Variants in SPTB observed in about 807,000 individuals in gnomAD.
SPTB encodes the protein spectrin beta, erythrocytic.
In SPTB, 45 loss-of-function variants were observed where a neutral mutation model predicts 256.2. The observed-to-expected ratio is 0.18, with a 90% CI of 0.14 to 0.23. The LOEUF (loss-of-function observed/expected upper bound fraction) is 0.23. Among genes scored for constraint, SPTB ranks in the 10% least tolerant of loss-of-function variants. SPTB has a pLI of 1.00. For missense variants in SPTB, 2,715 were observed against 3,040.4 expected (o/e 0.89, Z 2.52); for synonymous variants, 1,231 against 1,243.1 (o/e 0.99, Z 0.21).
rs769006810 is a variant in SPTB, at chr14:64,787,070, C to G, written c.2895G>C (p.Glu965Asp). Residue 965 changes from glutamate (E) to aspartate (D), a missense_variant, in exon 16 of 36, where the codon GAG becomes GAC. Glu to Asp is a conservative substitution (Grantham distance 45). Coordinates refer to ENST00000644917, the MANE Select transcript of SPTB (RefSeq NM_001355436.2). ...TCTTGTCCGTGATCCACTTGCTGGT[C>G]TCCTCGCAATCTACGCAGTAGTTGT... ...RVHNYCVDCE[E>D]TSKWITDKTK... 28 of 1,613,470 alleles carry G rather than the reference C, an allele frequency of 1.7e-5. No homozygotes were observed. In the South Asian group the frequency reaches 3.1e-4, roughly 18 times the overall value.
At chr14:64,761,073 C>T (rs1174773868) in intron 32 of SPTB, among the ~76,000 whole-genome samples, 1 of 152,170 alleles carries the variant, frequency 6.6e-6, no homozygotes, top group Non-Finnish European at 1.5e-5. Flanking sequence ...CCAAACAAGA[C>T]CCCCTGCTAG....
chr14:64,792,006 C>A lies in SPTB; in HGVS notation c.2667-150G>T. 9.4e-7 allele frequency: 1 copy of A among 1,065,240 alleles called. No individual in the cohort carries two copies. The highest frequency in any genetic ancestry group is 1.4e-6 in the Non-Finnish European group (1 of 728,918). 66.0% of individuals were successfully genotyped at this position (1,065,240 alleles called of 1,614,324 possible). A position where few individuals can be genotyped will look rare whatever the true frequency, so the allele number is the denominator to read the frequency against. On this transcript the variant is annotated intron_variant, in intron 14 of 35. Transcript: ENST00000644917. This position sits in a 1 kb window ranked among gnomAD's most constrained non-coding sequence, Gnocchi z 4.2. The stretch of plus-strand genomic sequence containing the variant: ...CCCAGGTGAGGCAGGAGGAAGAAAA[C>A]AGATATGCTGGCCCTCCTTTCTGGT...
intron 1 of SPTB, among the ~76,000 whole-genome samples, chr14:64,869,420 ATTCT>A (rs1444034496): frequency 3.9e-5 from 6 of 151,928 alleles, no homozygotes; most frequent in Non-Finnish European, 7.4e-5. Flanking sequence ...TGGCCACATG[ATTCT>A]TTATTCTTTT....
intron 2 of SPTB, among the ~76,000 whole-genome samples, chr14:64,813,358 C>A (rs1741464): frequency 0.39 from 59,031 of 151,992 alleles, 12,805 homozygotes; most frequent in African/African-American, 0.59. Flanking sequence ...AAGTAGGAGC[C>A]AAGGCACCAT....
In SPTB at chr14:64,749,974, G is replaced by T. The variant is rs750047494; in HGVS notation, c.6776+7C>A. ...ACCCGAGCTTTCAAAGGCCAGGAAG[G>T]CCTCACCTCAGCTTAAAGACGTGCT... On this transcript the variant is annotated splice_region_variant and intron_variant, in intron 34 of 35. Transcript: ENST00000644917. The surrounding 1 kb of genome is among the most constrained non-coding windows in gnomAD (Gnocchi z 4.7). 1.9e-6 allele frequency: 3 copies of T among 1,614,206 alleles called. No homozygotes were observed. The highest frequency in any genetic ancestry group is 1.1e-5 in the South Asian group (1 of 91,086).
At position 64,785,299 on chromosome 14, in the gene SPTB, C is replaced by T. The variant is rs1320110838; in HGVS notation, c.3855+238G>A. Among the ~76,000 whole-genome samples the T allele has an allele frequency of 2.0e-5, 3 of 151,896 alleles. No individual in the cohort carries two copies. The highest frequency in any genetic ancestry group is 7.3e-5 in the African/African-American group (3 of 41,354). On this transcript the variant is annotated intron_variant, in intron 18 of 35. Coordinates refer to ENST00000644917, the MANE Select transcript of SPTB (RefSeq NM_001355436.2). This position sits in a 1 kb window ranked among gnomAD's most constrained non-coding sequence, Gnocchi z 4.4. ...TAAAATAGACTGTCCCTAGACTACT[C>T]TTAAGAAACTCTGGCCTAGACTTGA... is the stretch of plus-strand genomic sequence containing the variant.
intron 1 of SPTB, among the ~76,000 whole-genome samples, chr14:64,855,612 G>A (rs1456327285): frequency 5.9e-5 from 1 of 16,810 alleles, no homozygotes; most frequent in Admixed American, 5.3e-4. Flanking sequence ...AAAACACAAT[G>A]TAATTCCTGA....
At position 64,792,257 on chromosome 14, in the gene SPTB, T is replaced by A. The variant is rs1170408043; in HGVS notation, c.2667-401A>T. The stretch of plus-strand genomic sequence containing the variant: ...GGACTCTGAGTCCAATGCCTTGACA[T>A]CTTAACCCAAAAGATACCCTTTCCA... On this transcript the variant is annotated intron_variant, in intron 14 of 35. Transcript: ENST00000644917. The surrounding 1 kb of genome is among the most constrained non-coding windows in gnomAD (Gnocchi z 4.2). Among the ~76,000 whole-genome samples, 2 of 152,200 alleles carry A rather than the reference T, an allele frequency of 1.3e-5. No individual in the cohort carries two copies. Among genetic ancestry groups the A allele is most frequent in the Non-Finnish European group, 2.9e-5 (2 of 68,040 alleles).
intron 32 of SPTB, among the ~76,000 whole-genome samples, chr14:64,765,710 A>ACGG: frequency 6.6e-6 from 1 of 152,264 alleles, no homozygotes; most frequent in African/African-American, 2.4e-5. Context: ...GGCTCTGCAT[A>ACGG]GGGGGAAAGA....
chr14:64,775,221 G>T lies in SPTB; in HGVS notation c.4746C>A (p.Asp1582Glu). Residue 1582 changes from aspartate (D) to glutamate (E), a missense_variant, in exon 23 of 36, where the codon GAC becomes GAA. Around this residue, in one of 4 missense-constraint regions of SPTB, gnomAD observed 2,239 missense variants for 2,384.4 expected, o/e 0.94. Transcript: ENST00000644917. The surrounding 1 kb of genome is among the most constrained non-coding windows in gnomAD (Gnocchi z 5.0). ...AAAGRLQRLR[D>E]ANEAQQYYLD... ...GGTAGTACTGCTGTGCCTCGTTGGC[G>T]TCCCTCAGTCGCTGCAGCCTCCCGG... The T allele has an allele frequency of 6.2e-7, 1 of 1,613,788 alleles. No individual in the cohort carries two copies. Among genetic ancestry groups the T allele is most frequent in the Non-Finnish European group, 8.5e-7 (1 of 1,180,040 alleles).
At position 64,786,289 on chromosome 14, in the gene SPTB, C is replaced by G; in HGVS notation, c.3561+115G>C. The G allele has an allele frequency of 7.2e-7, 1 of 1,396,994 alleles. No individual in the cohort carries two copies. Among genetic ancestry groups the G allele is most frequent in the Non-Finnish European group, 1.0e-6 (1 of 993,686 alleles). 86.5% of individuals were successfully genotyped at this position (1,396,994 alleles called of 1,614,324 possible). On this transcript the variant is annotated intron_variant, in intron 16 of 35. Transcript: ENST00000644917. This position sits in a 1 kb window ranked among gnomAD's most constrained non-coding sequence, Gnocchi z 5.6. The stretch of plus-strand genomic sequence containing the variant: ...CAAAGATTTCCCCCATGAGTGAATA[C>G]AGAGTACAAGACAAGAGTAATGTGG...
chr14:64,790,807 G>A lies in SPTB; in HGVS notation c.2804+912C>T, dbSNP rs900823480. On this transcript the variant is annotated intron_variant, in intron 15 of 35. Transcript: ENST00000644917. The surrounding 1 kb of genome is among the most constrained non-coding windows in gnomAD (Gnocchi z 4.8). ...AAAGACAGGGAATGCAGGCATTTGC[G>A]GTGTCCTCAAAGATCCTCCAGGAAC... Among the ~76,000 whole-genome samples the A allele has an allele frequency of 2.0e-5, 3 of 152,080 alleles. No homozygotes were observed. The highest frequency in any genetic ancestry group is 1.9e-4 in the East Asian group (1 of 5,172).
intron 2 of SPTB, among the ~76,000 whole-genome samples, chr14:64,815,774 A>G (rs1375651302): frequency 6.6e-6 from 1 of 152,178 alleles, no homozygotes; most frequent in Non-Finnish European, 1.5e-5. Flanking sequence ...AAAGAGGCAC[A>G]TTGTCAACAC....
chr14:64,749,681 G>C lies in SPTB; in HGVS notation c.6792C>G (p.Ser2264Arg). The change falls in exon 35 of 36, where the codon AGC becomes AGG. Residue 2264 changes from serine to arginine, a missense_variant. Coordinates refer to ENST00000644917, the MANE Select transcript of SPTB (RefSeq NM_001355436.2). The surrounding 1 kb of genome is among the most constrained non-coding windows in gnomAD (Gnocchi z 4.7). ...CATCCTTGCCATGGAAGAGCCACTC[G>C]CTGCCATTACTCAGCCTAGGAGGAC... ...HVFKLRLSNG[S>R]EWLFHGKDEE... is the part of the protein sequence containing the mutation. 2 of 1,613,788 alleles carry C rather than the reference G, an allele frequency of 1.2e-6. No individual in the cohort carries two copies. The highest frequency in any genetic ancestry group is 1.7e-6 in the Non-Finnish European group (2 of 1,179,968).
intron 2 of SPTB, among the ~76,000 whole-genome samples, chr14:64,810,317 A>T (rs2083064351): frequency 6.6e-6 from 1 of 152,224 alleles, no homozygotes; most frequent in Non-Finnish European, 1.5e-5. Flanking sequence ...AGTTACATTC[A>T]TACCTCATAC....
intron 1 of SPTB, among the ~76,000 whole-genome samples, chr14:64,871,170 C>G (rs1309229010): frequency 6.6e-6 from 1 of 152,156 alleles, no homozygotes; most frequent in African/African-American, 2.4e-5. Flanking sequence ...GTGCATGTAT[C>G]TAGCCCTAAT....
rs776701697 is a variant in SPTB at position 64,793,538 on chromosome 14, A to C, written c.2125T>G (p.Phe709Val). 2.5e-6 allele frequency: 4 copies of C among 1,614,072 alleles called. No individual in the cohort carries two copies. Among genetic ancestry groups the C allele is most frequent in the Non-Finnish European group, 3.4e-6 (4 of 1,180,020 alleles). The change falls in exon 14 of 36, where the codon TTT becomes GTT. Residue 709 changes from phenylalanine (F) to valine (V), a missense_variant. Coordinates refer to ENST00000644917, the MANE Select transcript of SPTB (RefSeq NM_001355436.2). This position sits in a 1 kb window ranked among gnomAD's most constrained non-coding sequence, Gnocchi z 7.0. ...EAHGMVARKQ[F>V]GHPQIEARIK... ...CGGGCCTCGATCTGCGGGTGCCCAA[A>C]CTGCTTGCGCGCAACCATGCCATGA...
chr14:64,783,199 T>C (rs1305272942), intron 19 of SPTB, among the ~76,000 whole-genome samples: 1 of 151,280 alleles, frequency 6.6e-6, no homozygotes, highest in Non-Finnish European at 1.5e-5. Flanking sequence ...ATATCACTAA[T>C]AATAGTTAAT....
chr14:64,859,189 G>A (rs2083919632), intron 1 of SPTB, among the ~76,000 whole-genome samples: 2 of 152,166 alleles, frequency 1.3e-5, no homozygotes, highest in Non-Finnish European at 2.9e-5. Flanking sequence ...AGGAGACGGA[G>A]GTTGCAGTGA....
Sources: gnomAD v4.1 joint callset for allele counts (sites outside exome capture counted in the v4.1 genomes callset) on GRCh38, gnomAD v4.1.1 for gene constraint, gnomAD v4.1.1 regional missense constraint, Gnocchi (gnomAD v3.1) non-coding constraint, MANE v1.5 for transcripts, NCBI Gene and HGNC (gene_info 2026-07-23, HGNC 2026-07-21) for gene names.